The following DLEC1 variants were observed in gnomAD, a reference collection of about 807,000 sequenced individuals.
The protein encoded by DLEC1 is DLEC1 cilia and flagella associated protein.
In DLEC1, 146 loss-of-function variants were observed where a neutral mutation model predicts 198.1. The observed-to-expected ratio is 0.74, with a 90% CI of 0.64 to 0.85. The LOEUF (loss-of-function observed/expected upper bound fraction) is 0.85. DLEC1 is among the 40% of genes least tolerant of loss of function. DLEC1 has a pLI of 0.00. For synonymous variants in DLEC1, 897 were observed against 866.8 expected (o/e 1.03, Z -0.61); for missense variants, 2,233 against 2,220.0 (o/e 1.01, Z -0.12).
rs1696756908 is a variant in DLEC1 at position 38,062,683 on chromosome 3, T to C, written c.976T>C (p.Phe326Leu). The part of the protein sequence containing the change: ...LLARMESRNH[F>L]LKNPRFFPPN... ...TGCCAGAATGGAGAGTCGGAACCAC[T>C]TCCTAAAAAATCCCCGTTTTTTTCC... Residue 326 changes from phenylalanine to leucine, a missense_variant, in exon 5 of 37, where the codon TTC becomes CTC. Transcript: ENST00000308059. 2 of 1,613,968 alleles carry C rather than the reference T, an allele frequency of 1.2e-6. No homozygotes were observed. Among genetic ancestry groups the C allele is most frequent in the Non-Finnish European group, 1.7e-6 (2 of 1,180,014 alleles).
intron 6 of DLEC1, 29 bp from the exon 7 acceptor site, chr3:38,084,129 C>G (rs760665492): frequency 1.2e-6 from 2 of 1,606,016 alleles, no homozygotes; most frequent in Non-Finnish European, 8.5e-7. Flanking sequence ...GTGTTGCTGT[C>G]TAAAAGAGAT....
chr3:38,120,687 A>G (rs1700404863), intron 34 of DLEC1, 78 bp downstream of exon 34: 1 of 1,572,268 alleles, frequency 6.4e-7, no homozygotes, highest in African/African-American at 1.4e-5. Flanking sequence ...AGAGGAGGAA[A>G]GACCTAGCAG....
chr3:38,066,524 A>C (rs940877413), intron 6 of DLEC1, among the ~76,000 whole-genome samples: 2 of 152,176 alleles, frequency 1.3e-5, no homozygotes, highest in African/African-American at 4.8e-5. Context: ...TCTACATCTT[A>C]ACAGTATATC....
intron 9 of DLEC1, among the ~76,000 whole-genome samples, chr3:38,086,903 C>T (rs1046175744): frequency 1.1e-4 from 16 of 151,832 alleles, no homozygotes; most frequent in African/African-American, 3.6e-4. Context: ...GATGAAACAC[C>T]GTCTCTACTA....
chr3:38,066,403 C>G (rs1022186483), intron 6 of DLEC1, among the ~76,000 whole-genome samples: 1 of 152,234 alleles, frequency 6.6e-6, no homozygotes, highest in Admixed American at 6.5e-5. Flanking sequence ...CTTGTACTCT[C>G]CTGATATCTA....
At position 38,059,797 on chromosome 3, in the gene DLEC1, G is replaced by T. The variant is rs1488997709; in HGVS notation, c.618G>T (p.Leu206Phe). The T allele has an allele frequency of 1.2e-6, 2 of 1,614,048 alleles. No homozygotes were observed. The highest frequency in any genetic ancestry group is 1.7e-6 in the Non-Finnish European group (2 of 1,180,042). The change falls in exon 3 of 37, where the codon TTG becomes TTT. Residue 206 changes from leucine (L) to phenylalanine (F), a missense_variant. Transcript: ENST00000308059. ...IDSELLRKHH[L>F]ISPEDYYTDT... Reference sequence around the variant, plus strand: ...GCGAGTTGCTACGGAAACATCATTTGATCTCCCCAGAAGATTACTACACCG... The same window carrying T: ...GCGAGTTGCTACGGAAACATCATTTTATCTCCCCAGAAGATTACTACACCG...
intron 2 of DLEC1, among the ~76,000 whole-genome samples, chr3:38,051,499 A>G (rs896194399): frequency 2.0e-5 from 3 of 152,202 alleles, no homozygotes; most frequent in Admixed American, 6.5e-5. Flanking sequence ...CACAGGGGAG[A>G]GGCCAGAAGA....
In DLEC1 at chr3:38,108,394, G is replaced by T. The variant is rs1373173632; in HGVS notation, c.3019-11G>T. The T allele has an allele frequency of 6.2e-6, 10 of 1,611,548 alleles. No individual in the cohort carries two copies. The Admixed American group carries it at 1.7e-4, about 27-fold the overall frequency. On this transcript the variant is annotated splice_polypyrimidine_tract_variant and intron_variant, in intron 20 of 36. Coordinates refer to ENST00000308059, the MANE Select transcript of DLEC1 (RefSeq NM_007335.4). ...AGTAAGTGACAACAGGCTCACTCAT[G>T]TGTCTGCCAGCTCCTCGGACACCAA...
intron 9 of DLEC1, among the ~76,000 whole-genome samples, chr3:38,087,074 A>C (rs1400409254): frequency 9.0e-6 from 1 of 111,338 alleles, no homozygotes; most frequent in Non-Finnish European, 1.8e-5. Flanking sequence ...ACTCCATCTC[A>C]AAAAAAAAAA....
intron 25 of DLEC1, among the ~76,000 whole-genome samples, 193 bp from the exon 26 acceptor site, chr3:38,114,149 C>A (rs981091455): frequency 8.9e-5 from 13 of 146,616 alleles, no homozygotes; most frequent in African/African-American, 3.3e-4. Context: ...AGGCTGGGAG[C>A]TTTGTGCAGG....
chr3:38,077,649 G>A (rs1056282645), intron 6 of DLEC1, among the ~76,000 whole-genome samples: 9 of 152,182 alleles, frequency 5.9e-5, no homozygotes, highest in African/African-American at 2.2e-4. Flanking sequence ...GAGGAATTAT[G>A]TCTGACAGAA....
chr3:38,075,674 C>T (rs1253103021), intron 6 of DLEC1, among the ~76,000 whole-genome samples: 10 of 151,476 alleles, frequency 6.6e-5, no homozygotes, highest in African/African-American at 1.7e-4. Context: ...AATAAGGGAT[C>T]GGGGTGCAGA....
At chr3:38,118,151 C>A in intron 33 of DLEC1, 127 bp downstream of exon 33, 1 of 1,031,588 alleles carries the variant, frequency 9.7e-7, no homozygotes, top group Non-Finnish European at 1.4e-6. Context: ...CCTGCCATAC[C>A]CTGCATGAAC....
chr3:38,093,640 A>G lies in DLEC1; in HGVS notation c.1792A>G (p.Ile598Val). The part of the protein sequence containing the change: ...GQLIALDLIY[I>V]SGEKSQPDPG... ...GCTGATTGCTTTGGATCTGATCTAT[A>G]TTTCTGGTGAAAAAAGCCAGCCAGA... is the stretch of plus-strand genomic sequence containing the variant. The change falls in exon 12 of 37, where the codon ATT becomes GTT. Residue 598 changes from isoleucine to valine, a missense_variant. Transcript: ENST00000308059. 6.2e-7 allele frequency: 1 copy of G among 1,614,168 alleles called. No individual in the cohort carries two copies. Among genetic ancestry groups the G allele is most frequent in the Non-Finnish European group, 8.5e-7 (1 of 1,180,040 alleles).
At chr3:38,083,426 AAAGGACTTTCAT>A (rs1451696339) in intron 6 of DLEC1, among the ~76,000 whole-genome samples, 2 of 152,176 alleles carry the variant, frequency 1.3e-5, no homozygotes, top group African/African-American at 4.8e-5. Flanking sequence ...TTGGCCAGGA[AAAGGACTTTCAT>A]AAGGTCACAT....
In DLEC1 at chr3:38,122,560, T is replaced by C; in HGVS notation, c.*148T>C. On this transcript the variant is annotated 3_prime_UTR_variant, in exon 37 of 37. Coordinates refer to ENST00000308059, the MANE Select transcript of DLEC1 (RefSeq NM_007335.4). ...GGAATGGAAGAACCCCCTTCCACAA[T>C]GGTCTCAGCCTAGGCCCTCATGATA... The C allele has an allele frequency of 1.2e-6, 2 of 1,605,810 alleles. No homozygotes were observed. The highest frequency in any genetic ancestry group is 3.4e-5 in the Admixed American group (2 of 59,624).
At chr3:38,073,540 C>T (rs553121397) in intron 6 of DLEC1, among the ~76,000 whole-genome samples, 21 of 151,980 alleles carry the variant, frequency 1.4e-4, no homozygotes, top group Non-Finnish European at 3.1e-4. Flanking sequence ...GAGGAAGACA[C>T]AAAGGAGGCT....
At chr3:38,061,167 G>C (rs1186416363) in intron 3 of DLEC1, among the ~76,000 whole-genome samples, 3 of 55,890 alleles carry the variant, frequency 5.4e-5, no homozygotes, top group Non-Finnish European at 1.1e-4. Flanking sequence ...TGGTTTTCTT[G>C]TTTGTTTGTT....
chr3:38,054,017 C>A (rs1229120628), intron 2 of DLEC1, among the ~76,000 whole-genome samples: 2 of 151,998 alleles, frequency 1.3e-5, no homozygotes, highest in Admixed American at 1.3e-4. Context: ...AGAGTCATCA[C>A]CACTCCCTAA....
Sources: gnomAD v4.1 joint callset for allele counts (sites outside exome capture counted in the v4.1 genomes callset) on GRCh38, gnomAD v4.1.1 for gene constraint, MANE v1.5 for transcripts, NCBI Gene and HGNC (gene_info 2026-07-23, HGNC 2026-07-21) for gene names.